The following GHR variants were observed in gnomAD, a reference collection of about 807,000 sequenced individuals.
The protein encoded by GHR is GH receptor.
A neutral mutation model predicts 67.1 loss-of-function variants in GHR; 35 were observed. That is an observed-to-expected ratio of 0.52 (90% CI 0.40 to 0.69). The LOEUF is 0.69. Ranked by LOEUF, GHR falls within the 30% of genes least tolerant of loss-of-function variation. The pLI, the probability that GHR is intolerant of heterozygous loss-of-function variation, is 0.00. For synonymous variants in GHR, 272 were observed against 269.1 expected (o/e 1.01, Z -0.10); for missense variants, 792 against 764.6 (o/e 1.04, Z -0.42).
In GHR at chr5:42,559,309, G is replaced by T. The variant is rs149998930; in HGVS notation, c.-11-6555G>T. 4.3e-3 allele frequency among the ~76,000 whole-genome samples: 660 copies of T among 152,296 alleles called. 2 individuals carry two copies. The highest frequency in any genetic ancestry group is 0.015 in the African/African-American group (624 of 41,560). On this transcript the variant is annotated intron_variant, in intron 1 of 9. Coordinates refer to ENST00000230882, the MANE Select transcript of GHR (RefSeq NM_000163.5). Reference sequence around the variant, plus strand: ...TAATCCCAGCACTTTGGGAGGCCGAGACGGAAGGATCAGGTGAGGCCAGGA... The same window carrying T: ...TAATCCCAGCACTTTGGGAGGCCGATACGGAAGGATCAGGTGAGGCCAGGA...
chr5:42,579,149 GAT>G (rs1214222508), intron 2 of GHR, among the ~76,000 whole-genome samples: 1,401 of 54,908 alleles, frequency 0.026, 18 homozygotes, highest in Middle Eastern at 0.038. Flanking sequence ...ATGATAGATA[GAT>G]ATAGATAGAT....
At chr5:42,662,593 C>T (rs935920140) in intron 3 of GHR, among the ~76,000 whole-genome samples, 5 of 152,182 alleles carry the variant, frequency 3.3e-5, no homozygotes, top group Admixed American at 2.0e-4. Flanking sequence ...ATCTCTGGGA[C>T]GCATTCAAAG....
At chr5:42,475,422 G>A (rs1745258761) in intron 1 of GHR, among the ~76,000 whole-genome samples, 2 of 134,980 alleles carry the variant, frequency 1.5e-5, no homozygotes, top group African/African-American at 2.9e-5. Flanking sequence ...CTGCTAATGT[G>A]TTATTATGGT....
At chr5:42,440,359 T>C (rs188698917) in intron 1 of GHR, among the ~76,000 whole-genome samples, 1 of 152,212 alleles carries the variant, frequency 6.6e-6, no homozygotes, top group Admixed American at 6.5e-5. Context: ...ATTTGAGATC[T>C]AAGTAAGAGG....
intron 1 of GHR, among the ~76,000 whole-genome samples, chr5:42,503,072 G>A (rs1054845211): frequency 6.6e-6 from 1 of 152,094 alleles, no homozygotes; most frequent in African/African-American, 2.4e-5. Flanking sequence ...GCTAACTTTA[G>A]TTTCTGATTA....
intron 2 of GHR, among the ~76,000 whole-genome samples, chr5:42,583,219 A>C (rs1042590660): frequency 4.6e-5 from 7 of 152,234 alleles, no homozygotes; most frequent in Non-Finnish European, 1.0e-4. Flanking sequence ...ATGAGTCTGA[A>C]GATTAACCAG....
intron 3 of GHR, among the ~76,000 whole-genome samples, chr5:42,651,087 A>T (rs1754999225): frequency 6.6e-6 from 1 of 152,046 alleles, no homozygotes; most frequent in South Asian, 2.1e-4. Flanking sequence ...GGCATTAAGG[A>T]CCCCAGTGAT....
At chr5:42,451,093 T>C (rs1171698932) in intron 1 of GHR, among the ~76,000 whole-genome samples, 1 of 152,212 alleles carries the variant, frequency 6.6e-6, no homozygotes, top group Non-Finnish European at 1.5e-5. Context: ...ATGAAAAGAA[T>C]GTATATTCTA....
intron 1 of GHR, among the ~76,000 whole-genome samples, chr5:42,478,812 T>C (rs1579782413): frequency 6.6e-6 from 1 of 152,154 alleles, no homozygotes; most frequent in Non-Finnish European, 1.5e-5. Flanking sequence ...TCTAGATATA[T>C]AATCATGTCC....
intron 3 of GHR, 28 bp from the exon 4 acceptor site, chr5:42,688,862 T>C: frequency 1.2e-6 from 2 of 1,611,068 alleles, no homozygotes; most frequent in African/African-American, 2.7e-5. Flanking sequence ...CCTGATTTCA[T>C]GCCTTGCCTT....
At chr5:42,465,304 A>AT (rs36031970) in intron 1 of GHR, 152,260 of 606,256 alleles carry the variant, frequency 0.25, 11,144 homozygotes, top group African/African-American at 0.32. Context: ...TGAAGAACAG[A>AT]TTTTTTTTTT....
chr5:42,529,205 G>A (rs1747846905), intron 1 of GHR, among the ~76,000 whole-genome samples: 1 of 152,036 alleles, frequency 6.6e-6, no homozygotes, highest in South Asian at 2.1e-4. Context: ...TAGAAACGGG[G>A]TTTCACCATA....
In GHR at chr5:42,424,945, G is replaced by C. The variant is rs1180253331; in HGVS notation, c.-12+990G>C. 1 of 965,730 alleles carries C rather than the reference G, an allele frequency of 1.0e-6. No homozygotes were observed. Among genetic ancestry groups the C allele is most frequent in the East Asian group, 1.1e-4 (1 of 8,704 alleles). The allele number at this position is 965,730 out of a possible 1,614,324, so 59.8% of individuals were successfully genotyped here. On this transcript the variant is annotated intron_variant, in intron 1 of 9. Coordinates refer to ENST00000230882, the MANE Select transcript of GHR (RefSeq NM_000163.5). The surrounding 1 kb of genome is among the most constrained non-coding windows in gnomAD (Gnocchi z 4.1). ...TGTGCGCCTGGGGAGGCGTGTCGGCGCCTGAGCCAGTAGGGTGTGCAGGGT... is the reference window on the plus strand; with the variant it reads ...TGTGCGCCTGGGGAGGCGTGTCGGCCCCTGAGCCAGTAGGGTGTGCAGGGT...
At chr5:42,575,034 T>TA (rs1750573583) in intron 2 of GHR, among the ~76,000 whole-genome samples, 3 of 135,740 alleles carry the variant, frequency 2.2e-5, no homozygotes, top group Non-Finnish European at 4.6e-5. Context: ...TAAGGGTGCA[T>TA]CAAATTCCTC....
At chr5:42,478,693 G>C (rs371589532) in intron 1 of GHR, among the ~76,000 whole-genome samples, 1 of 152,176 alleles carries the variant, frequency 6.6e-6, no homozygotes, top group East Asian at 1.9e-4. Context: ...TTTGTCTGTT[G>C]TTGGTGTATA....
intron 2 of GHR, among the ~76,000 whole-genome samples, chr5:42,577,990 C>T (rs1265351934): frequency 6.6e-6 from 1 of 152,168 alleles, no homozygotes; most frequent in African/African-American, 2.4e-5. Flanking sequence ...TGAACTAGAG[C>T]TCACAGAACA....
intron 3 of GHR, among the ~76,000 whole-genome samples, chr5:42,630,949 C>T (rs547063896): frequency 2.1e-5 from 3 of 143,508 alleles, no homozygotes; most frequent in East Asian, 2.0e-4. Context: ...GACATGAAAA[C>T]GGAAATGCCT....
chr5:42,496,908 G>A (rs1302409928), intron 1 of GHR, among the ~76,000 whole-genome samples: 1 of 152,178 alleles, frequency 6.6e-6, no homozygotes, highest in Non-Finnish European at 1.5e-5. Flanking sequence ...TGGGTCACAT[G>A]CAAGTTATTT....
chr5:42,715,504 T>C (rs973328129), intron 8 of GHR, among the ~76,000 whole-genome samples: 8 of 152,204 alleles, frequency 5.3e-5, no homozygotes, highest in African/African-American at 1.7e-4. Context: ...ATTTTATTTG[T>C]ATCTGATACA....
Sources: gnomAD v4.1 joint callset for allele counts (sites outside exome capture counted in the v4.1 genomes callset) on GRCh38, gnomAD v4.1.1 for gene constraint, Gnocchi (gnomAD v3.1) non-coding constraint, MANE v1.5 for transcripts, NCBI Gene and HGNC (gene_info 2026-07-23, HGNC 2026-07-21) for gene names.